The following GFM1 variants were observed in gnomAD, a reference collection of about 807,000 sequenced individuals.
GFM1 encodes G elongation factor mitochondrial 1, also known as elongation factor G, mitochondrial.
GFM1 carries 62 observed loss-of-function variants against 96.2 expected under a neutral mutation model. That is an observed-to-expected ratio of 0.64 (90% CI 0.53 to 0.80). The LOEUF (loss-of-function observed/expected upper bound fraction) is 0.80, where lower values mean the gene tolerates loss of function less well. Among genes scored for constraint, GFM1 ranks in the 30% least tolerant of loss-of-function variants. The pLI is 0.00. For synonymous variants in GFM1, 282 were observed against 312.9 expected (o/e 0.90, Z 1.04); for missense variants, 852 against 916.6 (o/e 0.93, Z 0.91).
chr3:158,690,077 C>A, intron 15 of GFM1, 86 bp from the exon 16 acceptor site: 1 of 1,184,008 alleles, frequency 8.4e-7, no homozygotes, highest in Non-Finnish European at 1.2e-6. Context: ...TTTGGGAAAG[C>A]ATCATTTTTC....
chr3:158,682,892 C>T (rs887613522), intron 14 of GFM1, among the ~76,000 whole-genome samples: 2 of 151,884 alleles, frequency 1.3e-5, no homozygotes, highest in African/African-American at 4.8e-5. Flanking sequence ...AAAATTAGCC[C>T]GGTGTAGTGG....
chr3:158,679,933 G>A (rs1230780649), intron 13 of GFM1, among the ~76,000 whole-genome samples: 1 of 152,164 alleles, frequency 6.6e-6, no homozygotes, highest in African/African-American at 2.4e-5. Context: ...AGTAACATAG[G>A]TTATGAGATA....
intron 15 of GFM1, among the ~76,000 whole-genome samples, chr3:158,687,087 C>T (rs760800773): frequency 1.3e-5 from 2 of 152,110 alleles, no homozygotes; most frequent in South Asian, 2.1e-4. Flanking sequence ...ACTGCAACCT[C>T]GAATTCCTGG....
intron 13 of GFM1, among the ~76,000 whole-genome samples, chr3:158,675,761 G>T (rs1724831146): frequency 6.6e-6 from 1 of 151,982 alleles, no homozygotes; most frequent in Admixed American, 6.6e-5. Context: ...TAACTTTCAG[G>T]CCCTTACATA....
In GFM1 at chr3:158,669,649, G is replaced by C. The variant is rs763601599; in HGVS notation, c.1601+3263G>C. ...AGCAAAATATCCTTATATACAGAAGGCTATTCATTATTAATTATCATCTTT... is the reference window on the plus strand; with the variant it reads ...AGCAAAATATCCTTATATACAGAAGCCTATTCATTATTAATTATCATCTTT... On this transcript the variant is annotated intron_variant, in intron 13 of 17. Transcript: ENST00000486715. 30 of 1,547,772 alleles carry C rather than the reference G, an allele frequency of 1.9e-5. No homozygotes were observed. The African/African-American group carries it at 3.3e-4, about 17-fold the overall frequency.
At chr3:158,681,055 T>C (rs551397600) in intron 13 of GFM1, among the ~76,000 whole-genome samples, 2 of 152,316 alleles carry the variant, frequency 1.3e-5, no homozygotes, top group African/African-American at 4.8e-5. Context: ...TGAGAATATG[T>C]CAGCGTTCCA....
chr3:158,684,734 AAC>A, intron 15 of GFM1, 66 bp downstream of exon 15: 1 of 1,549,780 alleles, frequency 6.5e-7, no homozygotes, highest in South Asian at 1.1e-5. Context: ...CTCAGAAGGC[AAC>A]ACTGTTTTCA....
chr3:158,660,796 T>C, intron 9 of GFM1, 78 bp from the exon 10 acceptor site: 3 of 1,158,866 alleles, frequency 2.6e-6, no homozygotes, highest in Non-Finnish European at 3.9e-6. Context: ...ATGTGTGTAC[T>C]GTACAGTTTA....
intron 13 of GFM1, among the ~76,000 whole-genome samples, chr3:158,667,750 T>C (rs948782569): frequency 2.6e-5 from 4 of 152,150 alleles, no homozygotes; most frequent in African/African-American, 4.8e-5. Context: ...ATCACACTAA[T>C]GCACTCCAGC....
intron 8 of GFM1, among the ~76,000 whole-genome samples, chr3:158,655,646 T>C (rs1475148604): frequency 6.6e-6 from 1 of 152,158 alleles, no homozygotes; most frequent in Non-Finnish European, 1.5e-5. Flanking sequence ...CTTACTTATT[T>C]TAGAATATTT....
At chr3:158,654,205 CTTTTTTTTTTTT>C (rs551796824) in intron 7 of GFM1, among the ~76,000 whole-genome samples, 10 of 85,992 alleles carry the variant, frequency 1.2e-4, no homozygotes, top group Admixed American at 1.7e-4. Flanking sequence ...CTCTAAAGAC[CTTTTTTTTTTTT>C]TTTTTTTTTT....
In GFM1 at chr3:158,690,651, ATTACT is replaced by A. The variant is rs546137095; in HGVS notation, c.2070+332_2070+336del. 3.9e-3 allele frequency: 1,345 copies of A among 347,998 alleles called. 7 individuals are homozygous for A. The highest frequency in any genetic ancestry group is 5.4e-3 in the Non-Finnish European group (1,010 of 187,590). 21.6% of individuals were successfully genotyped at this position (347,998 alleles called of 1,614,324 possible). A position where few individuals can be genotyped will look rare whatever the true frequency, so the allele number is the denominator to read the frequency against. On this transcript the variant is annotated intron_variant, in intron 16 of 17. Transcript: ENST00000486715. The stretch of plus-strand genomic sequence containing the variant: ...CTCTCATTTTAGCTTTATTTGCATA[ATTACT>A]TTATTGTTATCTTTAATTTATCCCT...
chr3:158,653,320 G>A lies in GFM1; in HGVS notation c.851G>A (p.Arg284Gln), dbSNP rs965034653. The A allele has an allele frequency of 2.5e-6, 4 of 1,612,636 alleles. No individual in the cohort carries two copies. The African/African-American group carries it at 4.0e-5, about 16-fold the overall frequency. Residue 284 changes from arginine (R) to glutamine (Q), a missense_variant, in exon 7 of 18, where the codon CGA (arginine) becomes CAA (glutamine). Transcript: ENST00000486715. ...PSISDLKLAI[R>Q]RATLKRSFTP... ...TGTTTTCTTTTGTAGCTAGCAATTC[G>A]AAGAGCTACTCTGAAAAGATCATTT...
chr3:158,646,723 T>C lies in GFM1; in HGVS notation c.368-20T>C. 2 of 1,603,110 alleles carry C rather than the reference T, an allele frequency of 1.2e-6. No individual in the cohort carries two copies. Among genetic ancestry groups the C allele is most frequent in the Non-Finnish European group, 1.7e-6 (2 of 1,173,102 alleles). ...ATTCAGATTGCTCTTTAAGACCCTC[T>C]CATACTTCATCTTATTCAGGGCATG... On this transcript the variant is annotated intron_variant, in intron 3 of 17. Coordinates refer to ENST00000486715, the MANE Select transcript of GFM1 (RefSeq NM_024996.7).
chr3:158,674,967 A>T (rs1376934596), intron 13 of GFM1, among the ~76,000 whole-genome samples: 3 of 152,204 alleles, frequency 2.0e-5, no homozygotes, highest in African/African-American at 7.2e-5. Context: ...AAATGAACTT[A>T]AATAGCCTTT....
intron 13 of GFM1, among the ~76,000 whole-genome samples, chr3:158,675,923 A>G (rs1040375805): frequency 6.6e-6 from 1 of 152,364 alleles, no homozygotes; most frequent in Non-Finnish European, 1.5e-5. Context: ...TGGTTGTTAT[A>G]TATGTGTTGT....
intron 11 of GFM1, among the ~76,000 whole-genome samples, chr3:158,664,855 A>C (rs561942376): frequency 1.3e-5 from 2 of 152,308 alleles, no homozygotes; most frequent in South Asian, 4.1e-4. Context: ...AGGGTACATC[A>C]TACCACATCC....
At chr3:158,684,861 G>T (rs746476488) in intron 15 of GFM1, 193 bp downstream of exon 15, 6 of 593,912 alleles carry the variant, frequency 1.0e-5, no homozygotes, top group Non-Finnish European at 1.8e-5. Context: ...AAAGCTAAAA[G>T]ACTACTGTAT....
chr3:158,655,759 T>C (rs574774795), intron 8 of GFM1: 122 of 444,216 alleles, frequency 2.7e-4, no homozygotes, highest in Non-Finnish European at 4.5e-4. Flanking sequence ...CCAATACTGA[T>C]ATATTATTAT....
Sources: gnomAD v4.1 joint callset for allele counts (sites outside exome capture counted in the v4.1 genomes callset) on GRCh38, gnomAD v4.1.1 for gene constraint, MANE v1.5 for transcripts, NCBI Gene and HGNC (gene_info 2026-07-23, HGNC 2026-07-21) for gene names.